PACRG: variants seen among roughly 807,000 people sequenced by gnomAD.
PACRG encodes the protein parkin coregulated gene protein.
In PACRG, 29 loss-of-function variants were observed where a neutral mutation model predicts 29.7. That is an observed-to-expected ratio of 0.98 (90% confidence interval 0.73 to 1.33). The LOEUF is 1.33. Ranked by LOEUF, PACRG falls within the 40% of genes most tolerant of loss-of-function variation. PACRG has a pLI of 0.00. For missense variants in PACRG, 279 were observed against 316.2 expected (o/e 0.88, Z 0.89); for synonymous variants, 116 against 118.7 (o/e 0.98, Z 0.15).
intron 4 of PACRG, among the ~76,000 whole-genome samples, chr6:163,110,676 C>T (rs1487628848): frequency 6.6e-6 from 1 of 152,214 alleles, no homozygotes; most frequent in African/African-American, 2.4e-5. Flanking sequence ...ATTCACATTG[C>T]ACACCTTCAC....
At chr6:162,935,498 AT>A (rs919125675) in intron 2 of PACRG, among the ~76,000 whole-genome samples, 12 of 136,034 alleles carry the variant, frequency 8.8e-5, no homozygotes, top group African/African-American at 1.9e-4. Context: ...TCTCAATTGT[AT>A]TTTTTTTTAT....
chr6:162,734,330 T>C (rs1779998730), intron 1 of PACRG, among the ~76,000 whole-genome samples: 1 of 152,192 alleles, frequency 6.6e-6, no homozygotes, highest in Non-Finnish European at 1.5e-5. Context: ...TACTTTTAAT[T>C]TTTTATTTTG....
At chr6:163,213,575 A>G (rs1562319762) in intron 4 of PACRG, among the ~76,000 whole-genome samples, 2 of 152,178 alleles carry the variant, frequency 1.3e-5, no homozygotes, top group Non-Finnish European at 2.9e-5. Flanking sequence ...TTGGTGATAA[A>G]TGAAGTTTAG....
chr6:162,958,662 A>G (rs558364017), intron 2 of PACRG, among the ~76,000 whole-genome samples: 2 of 151,656 alleles, frequency 1.3e-5, no homozygotes, highest in African/African-American at 4.8e-5. Context: ...CAATCAAAAC[A>G]CTTAGGATCC....
chr6:163,068,830 T>C (rs964382318), intron 3 of PACRG, among the ~76,000 whole-genome samples: 1 of 152,160 alleles, frequency 6.6e-6, no homozygotes, highest in African/African-American at 2.4e-5. Flanking sequence ...TTTATTCTCT[T>C]ATCTCTCTGT....
intron 1 of PACRG, among the ~76,000 whole-genome samples, chr6:162,730,196 C>T (rs2128247017): frequency 6.6e-6 from 1 of 152,086 alleles, no homozygotes; most frequent in East Asian, 1.9e-4. Flanking sequence ...TAAAAGAAGG[C>T]TGGACAATAC....
intron 4 of PACRG, among the ~76,000 whole-genome samples, chr6:163,288,535 CAA>C (rs1784473401): frequency 6.6e-6 from 1 of 152,196 alleles, no homozygotes; most frequent in Non-Finnish European, 1.5e-5. Context: ...TAAATGAGCA[CAA>C]AAGAGTTTCG....
chr6:163,244,196 G>A (rs1562335840), intron 4 of PACRG, among the ~76,000 whole-genome samples: 1 of 152,050 alleles, frequency 6.6e-6, no homozygotes, highest in African/African-American at 2.4e-5. Flanking sequence ...AGAGCAGTTT[G>A]TTTCATACCA....
At chr6:162,733,741 G>A (rs1779953389) in intron 1 of PACRG, among the ~76,000 whole-genome samples, 1 of 152,102 alleles carries the variant, frequency 6.6e-6, no homozygotes, top group Non-Finnish European at 1.5e-5. Context: ...TCCTCTGCCT[G>A]AAATGCATTT....
intron 2 of PACRG, among the ~76,000 whole-genome samples, chr6:162,851,130 A>G (rs957938218): frequency 1.3e-5 from 2 of 152,224 alleles, no homozygotes; most frequent in Non-Finnish European, 2.9e-5. Context: ...ACAAGGACCA[A>G]TCTGATAGAT....
At chr6:163,009,857 A>G (rs1332972111) in intron 2 of PACRG, among the ~76,000 whole-genome samples, 1 of 152,230 alleles carries the variant, frequency 6.6e-6, no homozygotes, top group Admixed American at 6.5e-5. Flanking sequence ...TTGTTATAAA[A>G]TTTCATTTTT....
At chr6:162,949,963 A>G (rs922641783) in intron 2 of PACRG, among the ~76,000 whole-genome samples, 1 of 152,216 alleles carries the variant, frequency 6.6e-6, no homozygotes, top group African/African-American at 2.4e-5. Flanking sequence ...GGGAAATTGC[A>G]TTAGATGAAA....
rs117581489 is a variant in PACRG, at chr6:163,281,051, T to G, written c.614-33776T>G. On this transcript the variant is annotated intron_variant, in intron 4 of 4. Coordinates refer to ENST00000366888, the MANE Select transcript of PACRG (RefSeq NM_001080379.2). ...ATCATTTGAACTGAGATGAGCAAGA[T>G]GGGTAGGCTTTGTGCATCCGGAGAT... 9.2e-3 allele frequency among the ~76,000 whole-genome samples: 1,401 copies of G among 151,942 alleles called. 13 individuals carry two copies. Among genetic ancestry groups the G allele is most frequent in the Non-Finnish European group, 0.013 (907 of 67,968 alleles).
chr6:162,983,985 G>A (rs1216253683), intron 2 of PACRG, among the ~76,000 whole-genome samples: 2 of 151,780 alleles, frequency 1.3e-5, no homozygotes, highest in Non-Finnish European at 2.9e-5. Flanking sequence ...CAAATTTATT[G>A]GAGGTTTTGT....
At chr6:163,275,047 T>A (rs183907768) in intron 4 of PACRG, among the ~76,000 whole-genome samples, 1 of 152,046 alleles carries the variant, frequency 6.6e-6, no homozygotes, top group East Asian at 1.9e-4. Flanking sequence ...TTTTGTTTTG[T>A]CTTTTTAATA....
chr6:163,290,902 G>A (rs950609278), intron 4 of PACRG, among the ~76,000 whole-genome samples: 1 of 152,152 alleles, frequency 6.6e-6, no homozygotes, highest in Non-Finnish European at 1.5e-5. Flanking sequence ...TGCGTCGGTG[G>A]GGCCTCCTCT....
At chr6:163,157,486 G>C (rs1778373271) in intron 4 of PACRG, among the ~76,000 whole-genome samples, 1 of 152,198 alleles carries the variant, frequency 6.6e-6, no homozygotes, top group Non-Finnish European at 1.5e-5. Context: ...AGCTCCCTGT[G>C]AACAGGAAAC....
At chr6:163,289,820 T>C (rs967096219) in intron 4 of PACRG, among the ~76,000 whole-genome samples, 2 of 151,210 alleles carry the variant, frequency 1.3e-5, no homozygotes, top group Non-Finnish European at 2.9e-5. Context: ...CACTCAGTCC[T>C]CTTCTGTTTT....
At chr6:163,169,379 G>GTC (rs2128345981) in intron 4 of PACRG, among the ~76,000 whole-genome samples, 1 of 152,308 alleles carries the variant, frequency 6.6e-6, no homozygotes, top group South Asian at 2.1e-4. Flanking sequence ...CAGTGTGAGT[G>GTC]AGGAAATCCA....
Sources: gnomAD v4.1 joint callset for allele counts (sites outside exome capture counted in the v4.1 genomes callset) on GRCh38, gnomAD v4.1.1 for gene constraint, MANE v1.5 for transcripts, NCBI Gene and HGNC (gene_info 2026-07-23, HGNC 2026-07-21) for gene names.